SERPINE3: variants seen among roughly 807,000 people sequenced by gnomAD.
SERPINE3 encodes the protein serpin family E member 3, also known as serpin E3.
In SERPINE3, 43 loss-of-function variants were observed where a neutral mutation model predicts 41.7. The ratio of observed to expected loss-of-function variants is 1.03; its 90% CI spans 0.81 to 1.33. The LOEUF is 1.33. Ranked by LOEUF, SERPINE3 falls within the 40% of genes most tolerant of loss-of-function variation. The probability of loss-of-function intolerance (pLI) is 0.00; values close to 1 mark genes in which losing one functional copy is unlikely to be tolerated. For missense variants in SERPINE3, 440 were observed against 491.7 expected (o/e 0.89, Z 0.99); for synonymous variants, 200 against 192.2 (o/e 1.04, Z -0.34).
chr13:51,340,019 GAGA>G (rs775951811), intron 1 of SERPINE3, among the ~76,000 whole-genome samples: 5 of 152,208 alleles, frequency 3.3e-5, no homozygotes, highest in Non-Finnish European at 7.3e-5. Context: ...TTGGAAAAAA[GAGA>G]AGATGTTTTC....
rs779346567 is a variant in SERPINE3 at position 51,361,367 on chromosome 13, A to G, written c.1087+3A>G. 1.3e-5 allele frequency: 21 copies of G among 1,586,168 alleles called. No individual in the cohort carries two copies. Among genetic ancestry groups the G allele is most frequent in the Non-Finnish European group, 1.8e-5 (21 of 1,156,966 alleles). On this transcript the variant is annotated splice_donor_region_variant and intron_variant, in intron 8 of 9. Coordinates refer to ENST00000681248, the MANE Select transcript of SERPINE3 (RefSeq NM_001386375.1). Reference sequence around the variant, plus strand: ...CACCAAGGCATCTGGAGCCACAGGTATGTTCAGAGAATACCCAGTCACACT... The same window carrying G: ...CACCAAGGCATCTGGAGCCACAGGTGTGTTCAGAGAATACCCAGTCACACT...
At chr13:51,348,715 G>C (rs1955376228) in intron 6 of SERPINE3, 1 of 333,604 alleles carries the variant, frequency 3.0e-6, no homozygotes, top group Non-Finnish European at 5.5e-6. Flanking sequence ...TCCAGCCCTA[G>C]GCTGGACCAG....
At chr13:51,359,565 C>G (rs1450617897) in intron 7 of SERPINE3, among the ~76,000 whole-genome samples, 1 of 152,068 alleles carries the variant, frequency 6.6e-6, no homozygotes, top group Non-Finnish European at 1.5e-5. Context: ...GCCCATCTAA[C>G]CAGACTCATC....
chr13:51,354,310 A>C (rs1955446447), intron 6 of SERPINE3: 1 of 152,174 alleles, frequency 6.6e-6, no homozygotes, highest in Non-Finnish European at 1.5e-5. Context: ...CAAGTTTCTT[A>C]AACTCTTTAA....
At chr13:51,343,819 A>T (rs1475301801) in intron 3 of SERPINE3, among the ~76,000 whole-genome samples, 1 of 152,176 alleles carries the variant, frequency 6.6e-6, no homozygotes, top group Non-Finnish European at 1.5e-5. Context: ...ACCTCCCATC[A>T]TTGTCACTGT....
Position 51,364,356 on chromosome 13 carries a change from T to A in SERPINE3, c.*74T>A, listed in dbSNP as rs1027667547. 49 of 800,562 alleles carry A rather than the reference T, an allele frequency of 6.1e-5. No individual in the cohort carries two copies. In the East Asian group the frequency reaches 9.3e-4, roughly 15 times the overall value. The allele number at this position is 800,562 out of a possible 1,614,324, so 49.6% of individuals were successfully genotyped here. A position where few individuals can be genotyped will look rare whatever the true frequency, so the allele number is the denominator to read the frequency against. On this transcript the variant is annotated 3_prime_UTR_variant, in exon 10 of 10. Coordinates refer to ENST00000681248, the MANE Select transcript of SERPINE3 (RefSeq NM_001386375.1). Reference sequence around the variant, plus strand: ...TTCATTTTGCTATACCCTTGAAATTTAAAAAAATGTCTGATAAAGTGTAAA... The same window carrying A: ...TTCATTTTGCTATACCCTTGAAATTAAAAAAAATGTCTGATAAAGTGTAAA...
chr13:51,362,782 G>A (rs1955608024), intron 9 of SERPINE3: 1 of 152,398 alleles, frequency 6.6e-6, no homozygotes, highest in Non-Finnish European at 1.5e-5. Flanking sequence ...CATTTTATCT[G>A]AGAATCATTT....
chr13:51,344,280 T>A lies in SERPINE3; in HGVS notation c.285T>A (p.Ala95=). ...AAAGGGTGAAAGATTTCTTGCATGC[T>A]GTTTATGCCACACTACCCACCTCCA... ...HDKRVKDFLH[A]VYATLPTSSQ... Residue 95 remains alanine (A), a synonymous_variant, in exon 4 of 10, where the codon GCT becomes GCA. Coordinates refer to ENST00000681248, the MANE Select transcript of SERPINE3 (RefSeq NM_001386375.1). 1 of 1,613,978 alleles carries A rather than the reference T, an allele frequency of 6.2e-7. No individual in the cohort carries two copies. Among genetic ancestry groups the A allele is most frequent in the Non-Finnish European group, 8.5e-7 (1 of 1,179,872 alleles).
chr13:51,349,564 T>G (rs1417516430), intron 6 of SERPINE3, among the ~76,000 whole-genome samples: 1 of 152,210 alleles, frequency 6.6e-6, no homozygotes, highest in Non-Finnish European at 1.5e-5. Flanking sequence ...AGGAGGCTGG[T>G]GCGAGAATTC....
chr13:51,355,072 A>G lies in SERPINE3; in HGVS notation c.929A>G (p.Lys310Arg). The stretch of plus-strand genomic sequence containing the variant: ...AGGATCCAAAATCAATTCAACTTAA[A>G]AAGCATTTTAAATTCTTGGGGAGTC... ...RFRIQNQFNL[K>R]SILNSWGVTD... is the part of the protein sequence containing the mutation. The change falls in exon 7 of 10, where the codon AAA becomes AGA. Residue 310 changes from lysine (K) to arginine (R), a missense_variant. Lys to Arg is a conservative substitution (Grantham distance 26, BLOSUM62 2). Coordinates refer to ENST00000681248, the MANE Select transcript of SERPINE3 (RefSeq NM_001386375.1). 6.5e-7 allele frequency: 1 copy of G among 1,547,250 alleles called. No homozygotes were observed. The highest frequency in any genetic ancestry group is 8.8e-7 in the Non-Finnish European group (1 of 1,141,350).
chr13:51,362,318 T>C (rs1955595448), intron 9 of SERPINE3: 1 of 221,872 alleles, frequency 4.5e-6, no homozygotes, highest in African/African-American at 2.3e-5. Flanking sequence ...AGTATTCTAA[T>C]GAATGCACCT....
At chr13:51,363,197 T>C (rs1955617258) in intron 9 of SERPINE3, 1 of 151,838 alleles carries the variant, frequency 6.6e-6, no homozygotes, top group Non-Finnish European at 1.5e-5. Context: ...TGATGTAAAA[T>C]CCTTAAACAA....
At position 51,348,241 on chromosome 13, in the gene SERPINE3, G is replaced by T. The variant is rs1050517604; in HGVS notation, c.729G>T (p.Gln243His). The T allele has an allele frequency of 1.9e-6, 3 of 1,600,496 alleles. No homozygotes were observed. Among genetic ancestry groups the T allele is most frequent in the Non-Finnish European group, 2.6e-6 (3 of 1,173,494 alleles). The change falls in exon 6 of 10, where the codon CAG becomes CAT. Residue 243 changes from glutamine (Q) to histidine (H), a missense_variant. Coordinates refer to ENST00000681248, the MANE Select transcript of SERPINE3 (RefSeq NM_001386375.1). ...YGQFQDTAGH[Q>H]VGVLELPYLG... Reference sequence around the variant, plus strand: ...AGTTCCAGGACACTGCAGGCCATCAGGTGGGGGTGCTGGAGCTTCCTTACC... The same window carrying T: ...AGTTCCAGGACACTGCAGGCCATCATGTGGGGGTGCTGGAGCTTCCTTACC...
chr13:51,340,782 A>G lies in SERPINE3; in HGVS notation c.-95-2A>G. On this transcript the variant is annotated splice_acceptor_variant, in intron 1 of 9. Coordinates refer to ENST00000681248, the MANE Select transcript of SERPINE3 (RefSeq NM_001386375.1). LOFTEE classifies it low-confidence loss of function (5UTR_SPLICE). ...ATAATGCTTTGCTTCTGATCTGACC[A>G]GGGCTTTGCTAAAGTCACACATCCA... 8.4e-6 allele frequency: 4 copies of G among 474,276 alleles called. No individual in the cohort carries two copies. Among genetic ancestry groups the G allele is most frequent in the South Asian group, 4.9e-5 (2 of 40,520 alleles). The allele number at this position is 474,276 out of a possible 1,614,324, so 29.4% of individuals were successfully genotyped here. A position where few individuals can be genotyped will look rare whatever the true frequency, so the allele number is the denominator to read the frequency against.
chr13:51,345,936 T>C (rs1379053321), intron 4 of SERPINE3, among the ~76,000 whole-genome samples: 3 of 152,164 alleles, frequency 2.0e-5, no homozygotes, highest in African/African-American at 7.2e-5. Context: ...AAGCTTTCCA[T>C]GGAGCTGCTA....
chr13:51,350,928 C>T (rs984266757), intron 6 of SERPINE3, among the ~76,000 whole-genome samples: 1 of 152,240 alleles, frequency 6.6e-6, no homozygotes, highest in Admixed American at 6.5e-5. Flanking sequence ...TTGTGTCTGG[C>T]TTCTTTGCAT....
intron 6 of SERPINE3, among the ~76,000 whole-genome samples, chr13:51,349,788 A>G (rs1179760741): frequency 3.3e-5 from 5 of 152,212 alleles, no homozygotes; most frequent in Non-Finnish European, 1.5e-5. Flanking sequence ...TAGTAACACA[A>G]CTATTAGTTA....
At chr13:51,353,463 A>C (rs1955430989) in intron 6 of SERPINE3, among the ~76,000 whole-genome samples, 1 of 152,208 alleles carries the variant, frequency 6.6e-6, no homozygotes, top group African/African-American at 2.4e-5. Flanking sequence ...AAGAGAAGCA[A>C]AGTAACTTCC....
At position 51,361,325 on chromosome 13, in the gene SERPINE3, G is replaced by A; in HGVS notation, c.1048G>A (p.Glu350Lys). Residue 350 changes from glutamate to lysine, a missense_variant, in exon 8 of 10, where the codon GAA (glutamate) becomes AAA (lysine). Transcript: ENST00000681248. ...TGAAGCAATCCACAAGGCCAAGATTGAAGTTTTGGAGGAAGGCACCAAGGC... is the reference window on the plus strand; with the variant it reads ...TGAAGCAATCCACAAGGCCAAGATTAAAGTTTTGGAGGAAGGCACCAAGGC... ...VSEAIHKAKI[E>K]VLEEGTKASG... The A allele has an allele frequency of 1.2e-6, 2 of 1,610,418 alleles. No homozygotes were observed. Among genetic ancestry groups the A allele is most frequent in the Non-Finnish European group, 1.7e-6 (2 of 1,177,756 alleles).
Sources: gnomAD v4.1 joint callset for allele counts (sites outside exome capture counted in the v4.1 genomes callset) on GRCh38, gnomAD v4.1.1 for gene constraint, MANE v1.5 for transcripts, NCBI Gene and HGNC (gene_info 2026-07-23, HGNC 2026-07-21) for gene names.